Variants in MKRN1 observed in about 807,000 individuals in gnomAD.
MKRN1 encodes the protein E3 ubiquitin-protein ligase makorin-1.
Under a neutral mutation model 55.5 loss-of-function variants are expected in MKRN1, and 9 were observed. That is an observed-to-expected ratio of 0.16 (90% CI 0.10 to 0.28). The LOEUF is 0.28. Ranked by LOEUF, MKRN1 falls within the 10% of genes least tolerant of loss-of-function variation. The probability of loss-of-function intolerance (pLI) is 1.00; values close to 1 mark genes in which losing one functional copy is unlikely to be tolerated. For missense variants in MKRN1, 488 were observed against 626.7 expected (o/e 0.78, Z 2.36); for synonymous variants, 253 against 235.9 (o/e 1.07, Z -0.66).
chr7:140,459,970 G>A (rs377447350), intron 2 of MKRN1, 34 bp from the exon 3 acceptor site: 1 of 1,568,478 alleles, frequency 6.4e-7, no homozygotes, highest in Non-Finnish European at 8.8e-7. Context: ...CAGTCGGCCA[G>A]TCGTGGTGGC....
At position 140,471,896 on chromosome 7, in the gene MKRN1, C is replaced by G; in HGVS notation, c.301G>C (p.Gly101Arg). ...ACAAATTCTTACCTGCAGCGGTCTC[C>G]ATAAATACAGTACCCTCGCTGAAAA... ...KYFQRGYCIY[G>R]DRCRYEHSKP... Residue 101 changes from glycine (G) to arginine (R), a missense_variant, in exon 2 of 8, where the codon GGA becomes CGA. Transcript: ENST00000255977. The G allele has an allele frequency of 6.2e-7, 1 of 1,613,842 alleles. No homozygotes were observed. Among genetic ancestry groups the G allele is most frequent in the Non-Finnish European group, 8.5e-7 (1 of 1,179,938 alleles).
chr7:140,458,642 T>C (rs1794533549), intron 4 of MKRN1, among the ~76,000 whole-genome samples: 1 of 152,210 alleles, frequency 6.6e-6, no homozygotes, highest in Non-Finnish European at 1.5e-5. Context: ...ACATATTCAA[T>C]GTGAATCTCA....
At chr7:140,466,251 G>C (rs747455384) in intron 2 of MKRN1, among the ~76,000 whole-genome samples, 1 of 152,178 alleles carries the variant, frequency 6.6e-6, no homozygotes, top group East Asian at 1.9e-4. Context: ...AAACTTTCAA[G>C]TAGACTACTA....
intron 2 of MKRN1, among the ~76,000 whole-genome samples, chr7:140,466,482 T>C (rs1169468899): frequency 2.6e-5 from 4 of 152,054 alleles, no homozygotes; most frequent in African/African-American, 9.7e-5. Context: ...CTCGGTGAGA[T>C]AGGGAGACCC....
chr7:140,458,849 T>C lies in MKRN1; in HGVS notation c.771+158A>G, dbSNP rs1264106478. Reference sequence around the variant, plus strand: ...TTTGTTCACTGGAAATATGACTTCTTGATAAAGCATCCAAGAAGCCCAAGA... The same window carrying C: ...TTTGTTCACTGGAAATATGACTTCTCGATAAAGCATCCAAGAAGCCCAAGA... On this transcript the variant is annotated intron_variant, in intron 4 of 7. Transcript: ENST00000255977. Among the ~76,000 whole-genome samples, 4 of 152,192 alleles carry C rather than the reference T, an allele frequency of 2.6e-5. No homozygotes were observed. In the East Asian group the frequency reaches 5.8e-4, roughly 22 times the overall value.
At chr7:140,469,726 A>G (rs1235647295) in intron 2 of MKRN1, among the ~76,000 whole-genome samples, 1 of 152,164 alleles carries the variant, frequency 6.6e-6, no homozygotes, top group Admixed American at 6.6e-5. Context: ...CAGCCTGGCC[A>G]ACATAGTGAA....
chr7:140,475,426 G>A (rs1475627716), intron 1 of MKRN1: 2 of 275,316 alleles, frequency 7.3e-6, no homozygotes, highest in Admixed American at 5.4e-5. Flanking sequence ...TTAGGAGGCC[G>A]AGGCGGGTGA....
At chr7:140,467,087 C>A (rs987869734) in intron 2 of MKRN1, among the ~76,000 whole-genome samples, 2 of 151,834 alleles carry the variant, frequency 1.3e-5, no homozygotes, top group Admixed American at 6.6e-5. Context: ...AAGTGATTCT[C>A]CTGCCTCAGC....
intron 2 of MKRN1, chr7:140,460,174 G>C: frequency 2.1e-6 from 1 of 481,638 alleles, no homozygotes; most frequent in South Asian, 2.0e-5. Context: ...TTGAACCCAG[G>C]AGACAGAGGT....
chr7:140,474,725 T>C (rs1277368367), intron 1 of MKRN1, among the ~76,000 whole-genome samples: 2 of 151,268 alleles, frequency 1.3e-5, no homozygotes, highest in Admixed American at 1.3e-4. Flanking sequence ...TTCTTTCTTT[T>C]TTTTTTTTTT....
chr7:140,466,542 C>T (rs1006166524), intron 2 of MKRN1, among the ~76,000 whole-genome samples: 2 of 152,076 alleles, frequency 1.3e-5, no homozygotes, highest in East Asian at 3.9e-4. Context: ...CGGTGGCTCA[C>T]GCCTGTAATC....
chr7:140,454,396 C>G lies in MKRN1; in HGVS notation c.*121G>C. On this transcript the variant is annotated 3_prime_UTR_variant, in exon 8 of 8. Coordinates refer to ENST00000255977, the MANE Select transcript of MKRN1 (RefSeq NM_013446.4). ...AGAAGACAGGCCCTGGGTAAAAATT[C>G]TTAGGACAGCACCTGGAGTTGAGAG... is the stretch of plus-strand genomic sequence containing the variant. 1.1e-6 allele frequency: 1 copy of G among 929,710 alleles called. No homozygotes were observed. Among genetic ancestry groups the G allele is most frequent in the Non-Finnish European group, 1.7e-6 (1 of 599,982 alleles). 57.6% of individuals were successfully genotyped at this position (929,710 alleles called of 1,614,324 possible). A position where few individuals can be genotyped will look rare whatever the true frequency, so the allele number is the denominator to read the frequency against.
At chr7:140,460,246 CAAAAA>C (rs58698651) in intron 2 of MKRN1, 27,368 of 77,072 alleles carry the variant, frequency 0.36, 5,569 homozygotes, top group African/African-American at 0.66. Context: ...GACTCCGTCT[CAAAAA>C]AAAAAAAAAA....
chr7:140,462,610 C>G (rs1585474263), intron 2 of MKRN1, among the ~76,000 whole-genome samples: 1 of 151,344 alleles, frequency 6.6e-6, no homozygotes, highest in East Asian at 2.0e-4. Flanking sequence ...GGGTGGATTG[C>G]CTGAGCTCAG....
chr7:140,453,759 G>C lies in MKRN1; in HGVS notation c.*758C>G, dbSNP rs1794395021. On this transcript the variant is annotated 3_prime_UTR_variant, in exon 8 of 8. Coordinates refer to ENST00000255977, the MANE Select transcript of MKRN1 (RefSeq NM_013446.4). ...TTTTTCTACTAAGGCTAAGAATACT[G>C]CATCTATGCAGGGATGAGAAGCTTA... 1 of 152,862 alleles carries C rather than the reference G, an allele frequency of 6.5e-6. No homozygotes were observed. 9.5% of individuals were successfully genotyped at this position (152,862 alleles called of 1,614,324 possible). A position where few individuals can be genotyped will look rare whatever the true frequency, so the allele number is the denominator to read the frequency against.
At chr7:140,474,010 AAAGAAAG>A in intron 1 of MKRN1, among the ~76,000 whole-genome samples, 2 of 24,040 alleles carry the variant, frequency 8.3e-5, no homozygotes, top group Non-Finnish European at 1.4e-4. Flanking sequence ...AAAAAAAAAG[AAAGAAAG>A]AAAGAAAGAA....
intron 2 of MKRN1, among the ~76,000 whole-genome samples, chr7:140,463,757 C>T (rs572491041): frequency 4.6e-5 from 7 of 152,058 alleles, no homozygotes; most frequent in South Asian, 4.2e-4. Context: ...TGGTGGCAGG[C>T]GCCTGTAGTC....
At chr7:140,455,261 T>C (rs1268392062) in intron 6 of MKRN1, 28 bp from the exon 7 acceptor site, 5 of 1,613,448 alleles carry the variant, frequency 3.1e-6, no homozygotes, top group Non-Finnish European at 4.2e-6. Context: ...GCAACCCTTA[T>C]TCACAGTGGA....
At chr7:140,479,543 G>C (rs556433969), upstream of MKRN1, 1 of 493,640 alleles carries the variant, frequency 2.0e-6, no homozygotes, top group Admixed American at 4.4e-5. Context: ...GCGCGCCCGC[G>C]GCCCGCCCAC....
Sources: gnomAD v4.1 joint callset for allele counts (sites outside exome capture counted in the v4.1 genomes callset) on GRCh38, gnomAD v4.1.1 for gene constraint, MANE v1.5 for transcripts, NCBI Gene and HGNC (gene_info 2026-07-23, HGNC 2026-07-21) for gene names.